ROBO2: variants seen among roughly 807,000 people sequenced by gnomAD.
ROBO2 encodes the protein roundabout homolog 2.
A neutral mutation model predicts 160.8 loss-of-function variants in ROBO2; 53 were observed. The observed-to-expected ratio is 0.33, with a 90% CI of 0.26 to 0.41. ROBO2 has a LOEUF of 0.41. Ranked by LOEUF, ROBO2 falls within the 10% of genes least tolerant of loss-of-function variation. The probability of loss-of-function intolerance (pLI) is 1.00; values close to 1 mark genes in which losing one functional copy is unlikely to be tolerated. For missense variants in ROBO2, 1,577 were observed against 1,722.4 expected (o/e 0.92, Z 1.49); for synonymous variants, 664 against 611.7 (o/e 1.09, Z -1.26).
At chr3:76,732,053 A>G (rs1404912201) in intron 2 of ROBO2, among the ~76,000 whole-genome samples, 2 of 152,156 alleles carry the variant, frequency 1.3e-5, no homozygotes, top group African/African-American at 2.4e-5. Flanking sequence ...GAATCATGTG[A>G]TTTTAAATAC....
At chr3:77,009,006 T>C (rs2061727200) in intron 2 of ROBO2, among the ~76,000 whole-genome samples, 1 of 152,200 alleles carries the variant, frequency 6.6e-6, no homozygotes. Context: ...GATACAGATA[T>C]TATAATGAAA....
intron 2 of ROBO2, among the ~76,000 whole-genome samples, chr3:76,848,016 A>G (rs908911449): frequency 6.6e-6 from 1 of 152,178 alleles, no homozygotes; most frequent in African/African-American, 2.4e-5. Context: ...AATTGCAATA[A>G]AAAATCTCAG....
intron 2 of ROBO2, among the ~76,000 whole-genome samples, chr3:77,296,223 A>T (rs932997171): frequency 6.6e-6 from 1 of 151,360 alleles, no homozygotes; most frequent in African/African-American, 2.4e-5. Context: ...CGGGAAGTTG[A>T]GGCTAGAACA....
At chr3:76,839,901 A>G (rs1451819035) in intron 2 of ROBO2, among the ~76,000 whole-genome samples, 1 of 152,192 alleles carries the variant, frequency 6.6e-6, no homozygotes, top group African/African-American at 2.4e-5. Context: ...TTGGTAGATT[A>G]TATGTATCTT....
chr3:76,463,849 A>G (rs1167661286), intron 2 of ROBO2, among the ~76,000 whole-genome samples: 2 of 152,200 alleles, frequency 1.3e-5, no homozygotes, highest in African/African-American at 2.4e-5. Flanking sequence ...AGTCTTTGCC[A>G]TGTCCCACAG....
At chr3:76,116,573 C>T (rs1467395032) in intron 2 of ROBO2, among the ~76,000 whole-genome samples, 1 of 152,120 alleles carries the variant, frequency 6.6e-6, no homozygotes, top group Non-Finnish European at 1.5e-5. Flanking sequence ...GAATTTAAGT[C>T]TTGCTGTGTA....
At chr3:77,067,422 G>A (rs576506687) in intron 1 of ROBO2, among the ~76,000 whole-genome samples, 4 of 152,120 alleles carry the variant, frequency 2.6e-5, no homozygotes, top group Non-Finnish European at 5.9e-5. Flanking sequence ...ACAACTGTGA[G>A]TACAGAAAAG....
At chr3:77,306,816 ACAAT>A (rs1476213277) in intron 2 of ROBO2, among the ~76,000 whole-genome samples, 11 of 152,218 alleles carry the variant, frequency 7.2e-5, no homozygotes, top group Non-Finnish European at 1.6e-4. Flanking sequence ...AGTGAACTGG[ACAAT>A]CATTCACCCC....
rs530336707 is a variant in ROBO2, at chr3:77,484,132, C to A, written c.667+2913C>A. 2.6e-5 allele frequency among the ~76,000 whole-genome samples: 4 copies of A among 151,994 alleles called. No homozygotes were observed. In the East Asian group the frequency reaches 7.7e-4, roughly 29 times the overall value. On this transcript the variant is annotated intron_variant, in intron 4 of 25. Transcript: ENST00000461745. ...ATAGTTTTTGGTCATGAAATAACAT[C>A]CTAATTAACTGGGCATTATCAAATC...
intron 2 of ROBO2, among the ~76,000 whole-genome samples, chr3:76,274,012 A>G (rs1707766933): frequency 6.6e-6 from 1 of 152,162 alleles, no homozygotes; most frequent in African/African-American, 2.4e-5. Flanking sequence ...AGGGGACAGA[A>G]CGCACTCCCA....
intron 2 of ROBO2, among the ~76,000 whole-genome samples, chr3:76,463,106 A>G (rs1000370128): frequency 1.3e-5 from 2 of 152,298 alleles, no homozygotes; most frequent in Admixed American, 6.5e-5. Flanking sequence ...AGCATGGCCT[A>G]TATCCAAGGC....
chr3:76,566,932 C>T (rs1445095874), intron 2 of ROBO2, among the ~76,000 whole-genome samples: 3 of 152,162 alleles, frequency 2.0e-5, no homozygotes, highest in Non-Finnish European at 2.9e-5. Flanking sequence ...TGGGAAGGAA[C>T]TAAGTCGCAG....
intron 1 of ROBO2, among the ~76,000 whole-genome samples, chr3:77,081,546 A>T (rs1389832521): frequency 2.0e-5 from 3 of 152,238 alleles, no homozygotes; most frequent in Non-Finnish European, 4.4e-5. Flanking sequence ...ATATCATTAA[A>T]GGTTGTGCCA....
chr3:77,476,852 A>G (rs2084070085), intron 2 of ROBO2, among the ~76,000 whole-genome samples: 1 of 152,176 alleles, frequency 6.6e-6, no homozygotes, highest in African/African-American at 2.4e-5. Context: ...ATGAAAATGT[A>G]GCCCTGCGTA....
At chr3:76,050,441 G>T (rs1160024506) in intron 2 of ROBO2, among the ~76,000 whole-genome samples, 3 of 152,130 alleles carry the variant, frequency 2.0e-5, no homozygotes, top group Non-Finnish European at 4.4e-5. Flanking sequence ...TGGGTCCTCA[G>T]CTTGCAGATG....
chr3:76,961,801 CT>C (rs1212839751), intron 2 of ROBO2, among the ~76,000 whole-genome samples: 1 of 152,180 alleles, frequency 6.6e-6, no homozygotes, highest in Non-Finnish European at 1.5e-5. Flanking sequence ...CCTACGGGTC[CT>C]TTTTTTATTG....
At chr3:76,523,336 CTTTAAT>C (rs1283598395) in intron 2 of ROBO2, among the ~76,000 whole-genome samples, 4 of 152,046 alleles carry the variant, frequency 2.6e-5, no homozygotes, top group African/African-American at 9.7e-5. Flanking sequence ...CCCATTCTGT[CTTTAAT>C]TTTATCTCAT....
intron 1 of ROBO2, among the ~76,000 whole-genome samples, chr3:77,071,481 T>G (rs2067406416): frequency 6.6e-6 from 1 of 152,216 alleles, no homozygotes; most frequent in Non-Finnish European, 1.5e-5. Context: ...AAACACCTTC[T>G]TCCCCATTCG....
At chr3:75,908,142 C>T (rs1019386900) in intron 1 of ROBO2, among the ~76,000 whole-genome samples, 7 of 151,982 alleles carry the variant, frequency 4.6e-5, no homozygotes, top group East Asian at 1.9e-4. Context: ...AGTATACAAA[C>T]GATAAGTTTA....
Sources: gnomAD v4.1 joint callset for allele counts (sites outside exome capture counted in the v4.1 genomes callset) on GRCh38, gnomAD v4.1.1 for gene constraint, MANE v1.5 for transcripts, NCBI Gene and HGNC (gene_info 2026-07-23, HGNC 2026-07-21) for gene names.